SV2C: variants seen among roughly 807,000 people sequenced by gnomAD.
SV2C encodes the protein synaptic vesicle glycoprotein 2C.
In SV2C, 49 loss-of-function variants were observed where a neutral mutation model predicts 79.7. The observed-to-expected ratio is 0.61, with a 90% CI of 0.49 to 0.78. The LOEUF is 0.78. Ranked by LOEUF, SV2C falls within the 30% of genes least tolerant of loss-of-function variation. The probability of loss-of-function intolerance (pLI) is 0.00; values close to 1 mark genes in which losing one functional copy is unlikely to be tolerated. For synonymous variants in SV2C, 334 were observed against 333.2 expected (o/e 1.00, Z -0.03); for missense variants, 833 against 912.9 (o/e 0.91, Z 1.13).
chr5:76,181,142 G>T (rs376634341), intron 2 of SV2C, among the ~76,000 whole-genome samples: 1 of 151,998 alleles, frequency 6.6e-6, no homozygotes, highest in African/African-American at 2.4e-5. Context: ...TCAGGCAAAC[G>T]CTTCCTCTAA....
At chr5:76,041,895 C>T in the SV2C span, among the ~76,000 whole-genome samples, 37 of 152,126 alleles carry the variant, frequency 2.4e-4, no homozygotes, top group Non-Finnish European at 4.4e-4. Flanking sequence ...TATTCACTGA[C>T]GGAAGAGAAT....
intron 1 of SV2C, among the ~76,000 whole-genome samples, chr5:76,126,377 C>G (rs1046033535): frequency 6.6e-5 from 10 of 152,148 alleles, no homozygotes; most frequent in African/African-American, 2.2e-4. Flanking sequence ...ATAATAAACA[C>G]TTAATGTCAG....
At chr5:75,921,821 G>GT in the SV2C span, among the ~76,000 whole-genome samples, 304 of 148,914 alleles carry the variant, frequency 2.0e-3, no homozygotes, top group African/African-American at 6.8e-3. Context: ...ATATAGCAGG[G>GT]TTTTTTTTTT....
intron 3 of SV2C, among the ~76,000 whole-genome samples, chr5:76,199,794 A>T (rs1013323752): frequency 6.6e-6 from 1 of 152,272 alleles, no homozygotes; most frequent in African/African-American, 2.4e-5. Flanking sequence ...GAAAACTTAT[A>T]TGACTAGTGA....
intron 12 of SV2C, among the ~76,000 whole-genome samples, chr5:76,322,694 GACCA>G (rs1291898232): frequency 6.6e-6 from 1 of 152,120 alleles, no homozygotes; most frequent in South Asian, 2.1e-4. Context: ...CAGACATATA[GACCA>G]ATGGCACAGA....
chr5:75,877,355 C>T, the SV2C span, among the ~76,000 whole-genome samples: 107 of 152,006 alleles, frequency 7.0e-4, 4 homozygotes, highest in South Asian at 0.022. Flanking sequence ...TATCCATTTT[C>T]AGTAGTAGAC....
chr5:75,999,018 G>T, the SV2C span, among the ~76,000 whole-genome samples: 1 of 152,204 alleles, frequency 6.6e-6, no homozygotes, highest in East Asian at 1.9e-4. Flanking sequence ...ATGGCAGAAG[G>T]CAAGGAGGAG....
At chr5:76,274,603 A>G (rs1021188570) in intron 4 of SV2C, among the ~76,000 whole-genome samples, 1 of 151,966 alleles carries the variant, frequency 6.6e-6, no homozygotes, top group Non-Finnish European at 1.5e-5. Flanking sequence ...TTGTAAGGCT[A>G]TACCATAGTT....
At chr5:76,031,530 G>T in the SV2C span, among the ~76,000 whole-genome samples, 13 of 152,208 alleles carry the variant, frequency 8.5e-5, no homozygotes, top group African/African-American at 2.9e-4. Flanking sequence ...GCATCATCAA[G>T]TGGCTTGTAG....
chr5:76,207,307 T>C (rs1744636430), intron 3 of SV2C, among the ~76,000 whole-genome samples: 2 of 152,188 alleles, frequency 1.3e-5, no homozygotes, highest in South Asian at 2.1e-4. Flanking sequence ...AGAGTCCTGA[T>C]GAAACATTAA....
the SV2C span, chr5:75,911,178 G>C: frequency 3.1e-6 from 5 of 1,593,746 alleles, no homozygotes; most frequent in Non-Finnish European, 4.3e-6. Flanking sequence ...AGGAAGAAGA[G>C]CCTCTACCAG....
At chr5:76,047,680 G>T in the SV2C span, among the ~76,000 whole-genome samples, 10 of 151,918 alleles carry the variant, frequency 6.6e-5, no homozygotes, top group South Asian at 2.1e-3. Context: ...TGAAAACAAG[G>T]TCTAGATAGA....
At chr5:75,906,865 G>A in the SV2C span, among the ~76,000 whole-genome samples, 1 of 152,072 alleles carries the variant, frequency 6.6e-6, no homozygotes, top group African/African-American at 2.4e-5. Flanking sequence ...AAATATTTTT[G>A]GTTGTCACAA....
chr5:76,227,420 G>A (rs1419316267), intron 4 of SV2C, among the ~76,000 whole-genome samples: 2 of 152,168 alleles, frequency 1.3e-5, no homozygotes, highest in Non-Finnish European at 2.9e-5. Flanking sequence ...TGGCTCAAAG[G>A]GGGTTCTGGA....
intron 2 of SV2C, among the ~76,000 whole-genome samples, chr5:76,153,024 A>G (rs1742600222): frequency 6.6e-6 from 1 of 152,196 alleles, no homozygotes; most frequent in South Asian, 2.1e-4. Context: ...CCCTGGATGG[A>G]TCACTCTGAA....
At chr5:75,868,212 G>A in the SV2C span, among the ~76,000 whole-genome samples, 2 of 152,096 alleles carry the variant, frequency 1.3e-5, no homozygotes, top group African/African-American at 4.8e-5. Context: ...TAAGTATTTT[G>A]GTATATTTGA....
At chr5:76,057,495 T>TG in the SV2C span, among the ~76,000 whole-genome samples, 1 of 152,060 alleles carries the variant, frequency 6.6e-6, no homozygotes, top group Non-Finnish European at 1.5e-5. Context: ...TTTCTGTGCT[T>TG]GCGATAGTTT....
chr5:76,174,097 T>C (rs1461348093), intron 2 of SV2C: 2 of 1,587,704 alleles, frequency 1.3e-6, no homozygotes, highest in Non-Finnish European at 1.7e-6. Flanking sequence ...CGTATTTTTC[T>C]ACAAAAATTC....
At chr5:76,170,770 T>C (rs901883396) in intron 2 of SV2C, among the ~76,000 whole-genome samples, 1 of 148,128 alleles carries the variant, frequency 6.8e-6, no homozygotes, top group African/African-American at 2.4e-5. Flanking sequence ...TTAAAAAAAC[T>C]GAGAAGGCTC....
Sources: gnomAD v4.1 joint callset for allele counts (sites outside exome capture counted in the v4.1 genomes callset) on GRCh38, gnomAD v4.1.1 for gene constraint, MANE v1.5 for transcripts, NCBI Gene and HGNC (gene_info 2026-07-23, HGNC 2026-07-21) for gene names.